NTN4: variants seen among roughly 807,000 people sequenced by gnomAD.
NTN4 encodes netrin-4.
In NTN4, 32 loss-of-function variants were observed where a neutral mutation model predicts 73.6. The observed-to-expected ratio is 0.44, with a 90% confidence interval of 0.33 to 0.58. The LOEUF is 0.58. Ranked by LOEUF, NTN4 falls within the 20% of genes least tolerant of loss-of-function variation. The pLI is 0.04. For synonymous variants in NTN4, 258 were observed against 287.5 expected, an observed-to-expected ratio of 0.90 and a Z score of 1.04; for missense variants, 654 against 798.3, an observed-to-expected ratio of 0.82 and a Z score of 2.18.
chr12:95,689,837 T>C (rs2078388753), intron 5 of NTN4, among the ~76,000 whole-genome samples: 1 of 152,222 alleles, frequency 6.6e-6, no homozygotes, highest in African/African-American at 2.4e-5. Flanking sequence ...ACATTTCTTC[T>C]TATAGCTCTG....
At chr12:95,673,759 G>T (rs983549257) in intron 7 of NTN4, 5 of 152,180 alleles carry the variant, frequency 3.3e-5, no homozygotes, top group African/African-American at 1.2e-4. Flanking sequence ...TATGGGATAA[G>T]CTCCTTGACC....
intron 2 of NTN4, among the ~76,000 whole-genome samples, chr12:95,765,122 T>C (rs2121254693): frequency 6.6e-6 from 1 of 152,384 alleles, no homozygotes; most frequent in South Asian, 2.1e-4. Context: ...TTTAAGCTCA[T>C]ACTTGTATCT....
At chr12:95,748,483 T>C (rs1224997574) in intron 2 of NTN4, among the ~76,000 whole-genome samples, 65 of 146,418 alleles carry the variant, frequency 4.4e-4, no homozygotes, top group Non-Finnish European at 7.4e-4. Context: ...TTTCTTTTTT[T>C]TTTTTTTTTT....
In NTN4 at chr12:95,781,197, T is replaced by A. The variant is rs940376368; in HGVS notation, c.585+5742A>T. 2.0e-5 allele frequency among the ~76,000 whole-genome samples: 3 copies of A among 152,104 alleles called. No individual in the cohort carries two copies. The highest frequency in any genetic ancestry group is 2.4e-5 in the African/African-American group (1 of 41,412). On this transcript the variant is annotated intron_variant, in intron 2 of 9. Coordinates refer to ENST00000343702, the MANE Select transcript of NTN4 (RefSeq NM_021229.4). This position sits in a 1 kb window ranked among gnomAD's most constrained non-coding sequence, Gnocchi z 4.1. ...AGGGATAGCATTAAGAGATATACCT[T>A]ATGTAAATGACGAGTTAATGGGTGC... is the stretch of plus-strand genomic sequence containing the variant.
intron 2 of NTN4, among the ~76,000 whole-genome samples, chr12:95,747,346 T>A (rs1011742572): frequency 7.9e-5 from 12 of 152,232 alleles, no homozygotes; most frequent in Admixed American, 7.8e-4. Flanking sequence ...TCTTTTTTTT[T>A]CAGAGACAAT....
chr12:95,683,399 T>C lies in NTN4; in HGVS notation c.1394+99A>G. 3 of 1,123,548 alleles carry C rather than the reference T, an allele frequency of 2.7e-6. No homozygotes were observed. The South Asian group carries it at 4.3e-5, about 16-fold the overall frequency. 69.6% of individuals were successfully genotyped at this position (1,123,548 alleles called of 1,614,324 possible). On this transcript the variant is annotated intron_variant, in intron 6 of 9. Coordinates refer to ENST00000343702, the MANE Select transcript of NTN4 (RefSeq NM_021229.4). Reference sequence around the variant, plus strand: ...TTTAAAAGAGATGTGCAAATACATCTTTGCTCCATTAACAGAATGCAAGAT... The same window carrying C: ...TTTAAAAGAGATGTGCAAATACATCCTTGCTCCATTAACAGAATGCAAGAT...
At chr12:95,674,953 T>G (rs1342023172) in intron 7 of NTN4, among the ~76,000 whole-genome samples, 1 of 152,220 alleles carries the variant, frequency 6.6e-6, no homozygotes, top group East Asian at 1.9e-4. Context: ...ATGGGCTTAG[T>G]GAATGTCCTA....
chr12:95,714,365 A>G (rs997286769), intron 3 of NTN4, among the ~76,000 whole-genome samples: 2 of 152,186 alleles, frequency 1.3e-5, no homozygotes, highest in Non-Finnish European at 2.9e-5. Flanking sequence ...AATGGGGTCC[A>G]TAAGTGTGGA....
At chr12:95,705,139 C>A (rs1160926199) in intron 5 of NTN4, among the ~76,000 whole-genome samples, 1 of 151,938 alleles carries the variant, frequency 6.6e-6, no homozygotes, top group African/African-American at 2.4e-5. Context: ...GAATTACAGA[C>A]AAATATGTTA....
At chr12:95,700,080 ATTTTTTTTTTTTTTT>A (rs56063223) in intron 5 of NTN4, among the ~76,000 whole-genome samples, 31 of 41,826 alleles carry the variant, frequency 7.4e-4, no homozygotes, top group East Asian at 1.5e-3. Context: ...TAAAGTGAGG[ATTTTTTTTTTTTTTT>A]TTTTTTTTTT....
intron 2 of NTN4, among the ~76,000 whole-genome samples, chr12:95,784,244 T>C (rs2079151489): frequency 6.6e-6 from 1 of 152,228 alleles, no homozygotes; most frequent in African/African-American, 2.4e-5. Flanking sequence ...GATTTATATA[T>C]ATTCTAACAT....
At chr12:95,718,199 A>T (rs570238869) in intron 3 of NTN4, among the ~76,000 whole-genome samples, 1 of 152,362 alleles carries the variant, frequency 6.6e-6, no homozygotes, top group South Asian at 2.1e-4. Flanking sequence ...ATAAGAATTT[A>T]GGTCAGGGGG....
Position 95,736,044 on chromosome 12 carries a change from T to A in NTN4, c.864+1822A>T, listed in dbSNP as rs563111857. 3.9e-5 allele frequency among the ~76,000 whole-genome samples: 6 copies of A among 151,998 alleles called. No homozygotes were observed. In the East Asian group the frequency reaches 9.7e-4, roughly 25 times the overall value. Reference sequence around the variant, plus strand: ...ACCTCCGCCTCCCAGGTTCAAGTGATTGTTGTGCCTCAGCCTCTCGAGCAG... The same window carrying A: ...ACCTCCGCCTCCCAGGTTCAAGTGAATGTTGTGCCTCAGCCTCTCGAGCAG... On this transcript the variant is annotated intron_variant, in intron 3 of 9. Coordinates refer to ENST00000343702, the MANE Select transcript of NTN4 (RefSeq NM_021229.4).
intron 2 of NTN4, among the ~76,000 whole-genome samples, chr12:95,772,366 T>C (rs957683453): frequency 2.0e-5 from 3 of 152,170 alleles, no homozygotes; most frequent in African/African-American, 7.2e-5. Flanking sequence ...GTGTTTTCAA[T>C]AATGGCAGCA....
At chr12:95,750,060 A>G (rs1184840981) in intron 2 of NTN4, among the ~76,000 whole-genome samples, 1 of 150,536 alleles carries the variant, frequency 6.6e-6, no homozygotes, top group Non-Finnish European at 1.5e-5. Flanking sequence ...CTGCTTTTCT[A>G]GAGGAGGGGC....
At chr12:95,718,152 G>A (rs1391503820) in intron 3 of NTN4, among the ~76,000 whole-genome samples, 1 of 152,200 alleles carries the variant, frequency 6.6e-6, no homozygotes, top group African/African-American at 2.4e-5. Flanking sequence ...AGGCATGGAA[G>A]ATAAAATATT....
chr12:95,716,354 A>T (rs2078605083), intron 3 of NTN4, among the ~76,000 whole-genome samples: 1 of 152,152 alleles, frequency 6.6e-6, no homozygotes. Flanking sequence ...AAAAACCCTA[A>T]AGGAATAGTC....
rs916522475 is a variant in NTN4 at position 95,789,611 on chromosome 12, A to G, written c.55+644T>C. Among the ~76,000 whole-genome samples, 1 of 152,058 alleles carries G rather than the reference A, an allele frequency of 6.6e-6. No homozygotes were observed. The highest frequency in any genetic ancestry group is 2.4e-5 in the African/African-American group (1 of 41,402). On this transcript the variant is annotated intron_variant, in intron 1 of 9. Coordinates refer to ENST00000343702, the MANE Select transcript of NTN4 (RefSeq NM_021229.4). This position sits in a 1 kb window ranked among gnomAD's most constrained non-coding sequence, Gnocchi z 4.0. ...GTCCAGTTACCGAGCCAGGGAGCAG[A>G]CCCGCCTCCGACCTCCCGCAGAGTC...
intron 1 of NTN4, among the ~76,000 whole-genome samples, chr12:95,788,586 A>C (rs999714974): frequency 6.6e-6 from 1 of 152,234 alleles, no homozygotes; most frequent in Admixed American, 6.5e-5. Flanking sequence ...CTGCTGCTTA[A>C]GAAGCAGTAC....
Sources: allele counts gnomAD v4.1 joint callset (sites outside exome capture counted in the v4.1 genomes callset), GRCh38; gene constraint gnomAD v4.1.1; non-coding constraint Gnocchi (gnomAD v3.1); transcripts MANE v1.5; gene names NCBI Gene and HGNC (gene_info 2026-07-23, HGNC 2026-07-21).